The following ADCY10 variants were observed in gnomAD, a reference collection of about 807,000 sequenced individuals.
ADCY10 encodes adenylate cyclase type 10.
A neutral mutation model predicts 183.3 loss-of-function variants in ADCY10; 156 were observed. The ratio of observed to expected loss-of-function variants is 0.85; its 90% CI spans 0.75 to 0.97. ADCY10 has a LOEUF of 0.97. Among genes scored for constraint, ADCY10 ranks in the 50% least tolerant of loss-of-function variants. ADCY10 has a pLI of 0.00. For missense variants in ADCY10, 1,745 were observed against 1,934.3 expected (o/e 0.90, Z 1.84); for synonymous variants, 645 against 670.0 (o/e 0.96, Z 0.58).
chr1:167,867,211 C>T (rs1666766162), intron 14 of ADCY10, among the ~76,000 whole-genome samples: 1 of 152,196 alleles, frequency 6.6e-6, no homozygotes, highest in African/African-American at 2.4e-5. Flanking sequence ...CATCCTTAAA[C>T]ATCAGTAAAC....
intron 14 of ADCY10, among the ~76,000 whole-genome samples, chr1:167,863,329 T>G (rs997416310): frequency 1.3e-5 from 2 of 152,144 alleles, no homozygotes; most frequent in African/African-American, 4.8e-5. Context: ...TCTCGTTCTG[T>G]TCTGTTTCAC....
chr1:167,861,318 G>A (rs145916882), intron 14 of ADCY10, among the ~76,000 whole-genome samples: 53 of 152,226 alleles, frequency 3.5e-4, no homozygotes, highest in Middle Eastern at 3.4e-3. Context: ...ACAATAGCAA[G>A]CCACTACCCC....
intron 31 of ADCY10, among the ~76,000 whole-genome samples, chr1:167,815,181 GC>G (rs1284288942): frequency 6.6e-6 from 1 of 151,966 alleles, no homozygotes. Flanking sequence ...CTTCAGGTGA[GC>G]CCCCACAGTT....
chr1:167,845,070 T>C (rs1163298837), intron 21 of ADCY10, among the ~76,000 whole-genome samples: 1 of 152,262 alleles, frequency 6.6e-6, no homozygotes, highest in Non-Finnish European at 1.5e-5. Context: ...TCCGATGGTC[T>C]TGAATTCTTG....
chr1:167,877,097 G>C (rs1667523355), intron 12 of ADCY10, among the ~76,000 whole-genome samples: 1 of 151,690 alleles, frequency 6.6e-6, no homozygotes, highest in Non-Finnish European at 1.5e-5. Context: ...CACCACTGAA[G>C]TTTTGTGATT....
intron 14 of ADCY10, among the ~76,000 whole-genome samples, chr1:167,863,737 C>T (rs906171712): frequency 3.3e-5 from 5 of 152,230 alleles, no homozygotes; most frequent in Non-Finnish European, 7.3e-5. Flanking sequence ...CCCGGTGGGA[C>T]ACCTCGCCAG....
chr1:167,910,193 C>T (rs1331494840), intron 1 of ADCY10, among the ~76,000 whole-genome samples: 2 of 152,148 alleles, frequency 1.3e-5, no homozygotes, highest in Non-Finnish European at 2.9e-5. Flanking sequence ...ACAATGGTAT[C>T]TGTGGTTTTG....
At chr1:167,844,480 C>A (rs1247534792) in intron 21 of ADCY10, among the ~76,000 whole-genome samples, 18 of 152,200 alleles carry the variant, frequency 1.2e-4, no homozygotes, top group Admixed American at 9.8e-4. Context: ...TACCTAAAAT[C>A]CAACCCCACA....
intron 26 of ADCY10, among the ~76,000 whole-genome samples, chr1:167,827,486 A>T (rs1663394367): frequency 6.6e-6 from 1 of 151,070 alleles, no homozygotes; most frequent in African/African-American, 2.4e-5. Flanking sequence ...ATGTACTTTT[A>T]TAAAGGAGCA....
At chr1:167,893,706 A>C (rs1398965348) in intron 8 of ADCY10, 147 bp downstream of exon 8, 1 of 514,840 alleles carries the variant, frequency 1.9e-6, no homozygotes, top group Non-Finnish European at 3.5e-6. Flanking sequence ...AAAAAAAAAA[A>C]AAAAAAAAAA....
intron 16 of ADCY10, among the ~76,000 whole-genome samples, chr1:167,856,827 T>C (rs1462056431): frequency 1.3e-5 from 2 of 152,218 alleles, no homozygotes; most frequent in Admixed American, 6.5e-5. Context: ...GGAAATCTAC[T>C]TGACATTTAT....
chr1:167,876,192 G>T lies in ADCY10; in HGVS notation c.1407-1006C>A, dbSNP rs534341828. Among the ~76,000 whole-genome samples, 10 of 151,276 alleles carry T rather than the reference G, an allele frequency of 6.6e-5. No individual in the cohort carries two copies. The South Asian group carries it at 2.1e-3, about 32-fold the overall frequency. On this transcript the variant is annotated intron_variant, in intron 12 of 32. Transcript: ENST00000367851. ...GAATCGCTTGAACCCAAGAGACAGA[G>T]GTTGCAGTGAGCCAAGATCACGCCA...
chr1:167,810,692 CG>C, intron 32 of ADCY10, 32 bp downstream of exon 32: 1 of 1,608,388 alleles, frequency 6.2e-7, no homozygotes, highest in Non-Finnish European at 8.5e-7. Context: ...GGGTGAGCAT[CG>C]CCACCCCGGT....
Position 167,818,138 on chromosome 1 carries a change from A to C in ADCY10, c.4416T>G (p.Leu1472=), listed in dbSNP as rs752823839. ...GISRYMEGQV[L]HLQKQIKEQS... is the part of the protein sequence containing the mutation. ...GTTCTTTGATTTGTTTTTGAAGGTG[A>C]AGAACTTGCCCCTCCATGTACCTAG... Residue 1472 remains leucine, a synonymous_variant, in exon 31 of 33, where the codon CTT becomes CTG. Coordinates refer to ENST00000367851, the MANE Select transcript of ADCY10 (RefSeq NM_018417.6). 1 of 1,614,202 alleles carries C rather than the reference A, an allele frequency of 6.2e-7. No individual in the cohort carries two copies. Among genetic ancestry groups the C allele is most frequent in the Non-Finnish European group, 8.5e-7 (1 of 1,180,040 alleles).
chr1:167,894,447 T>A (rs1407558118), intron 7 of ADCY10, among the ~76,000 whole-genome samples: 1 of 151,942 alleles, frequency 6.6e-6, no homozygotes, highest in Admixed American at 6.6e-5. Flanking sequence ...GGGAAAAGAG[T>A]AGTTGAGCTT....
chr1:167,887,869 A>G (rs911266971), intron 8 of ADCY10, among the ~76,000 whole-genome samples: 1 of 150,958 alleles, frequency 6.6e-6, no homozygotes, highest in African/African-American at 2.4e-5. Context: ...ATCTTTGCCC[A>G]CTCCAATGTC....
chr1:167,911,906 G>T (rs187139048), intron 1 of ADCY10, among the ~76,000 whole-genome samples: 155 of 152,298 alleles, frequency 1.0e-3, no homozygotes, highest in Non-Finnish European at 1.6e-3. Context: ...GAAAGTACAT[G>T]CATTTTGAGA....
At chr1:167,811,449 T>C (rs1181335493) in intron 31 of ADCY10, among the ~76,000 whole-genome samples, 1 of 152,136 alleles carries the variant, frequency 6.6e-6, no homozygotes, top group Non-Finnish European at 1.5e-5. Context: ...TAGCCAGGCA[T>C]GGTCGTGCAC....
intron 8 of ADCY10, among the ~76,000 whole-genome samples, chr1:167,887,713 A>C (rs1316949852): frequency 6.6e-6 from 1 of 151,664 alleles, no homozygotes; most frequent in Non-Finnish European, 1.5e-5. Flanking sequence ...AAATAAATAA[A>C]TATAAAAATA....
Sources: gnomAD v4.1 joint callset for allele counts (sites outside exome capture counted in the v4.1 genomes callset) on GRCh38, gnomAD v4.1.1 for gene constraint, MANE v1.5 for transcripts, NCBI Gene and HGNC (gene_info 2026-07-23, HGNC 2026-07-21) for gene names.